The following CNTNAP2 variants were observed in gnomAD, a reference collection of about 807,000 sequenced individuals.
CNTNAP2 encodes the protein contactin associated protein 2.
A neutral mutation model predicts 155.2 loss-of-function variants in CNTNAP2; 98 were observed. The observed-to-expected ratio is 0.63, with a 90% CI of 0.54 to 0.75. CNTNAP2 has a LOEUF of 0.75. CNTNAP2 is among the 30% of genes least tolerant of loss of function. CNTNAP2 has a pLI of 0.00. For missense variants in CNTNAP2, 1,727 were observed against 1,688.1 expected (o/e 1.02, Z -0.40); for synonymous variants, 651 against 631.2 (o/e 1.03, Z -0.47).
In CNTNAP2 at chr7:146,665,783, T is replaced by TAAAAAAAAAAAAAAAAAAAAAAA. The variant is rs750837961; in HGVS notation, c.98-108473_98-108472insAAAAAAAAAAAAAAAAAAAAAAA. On this transcript the variant is annotated intron_variant, in intron 1 of 23. Coordinates refer to ENST00000361727, the MANE Select transcript of CNTNAP2 (RefSeq NM_014141.6). Reference sequence around the variant, plus strand: ...GCTATGGAGTGAGACTCTGTCTCATTAAAAAAAAAAAAAAATACATTTTGT... The same window carrying TAAAAAAAAAAAAAAAAAAAAAAA: ...GCTATGGAGTGAGACTCTGTCTCATTAAAAAAAAAAAAAAAAAAAAAAAAAAAAAAAAAAAAAATACATTTTGT... Among the ~76,000 whole-genome samples the TAAAAAAAAAAAAAAAAAAAAAAA allele has an allele frequency of 4.1e-5, 2 of 48,302 alleles. 1 individual carries two copies. Among genetic ancestry groups the TAAAAAAAAAAAAAAAAAAAAAAA allele is most frequent in the African/African-American group, 2.3e-4 (2 of 8,844 alleles). The allele number at this position is 48,302 out of a possible 152,430, so 31.7% of individuals were successfully genotyped here. A position where few individuals can be genotyped will look rare whatever the true frequency, so the allele number is the denominator to read the frequency against.
chr7:147,083,881 CAT>C (rs1217722045), intron 4 of CNTNAP2, among the ~76,000 whole-genome samples: 2 of 138,856 alleles, frequency 1.4e-5, no homozygotes, highest in East Asian at 4.2e-4. Flanking sequence ...ATATTATATA[CAT>C]ATACACATGT....
chr7:147,841,157 T>C (rs1473466648), intron 13 of CNTNAP2, among the ~76,000 whole-genome samples: 1 of 152,192 alleles, frequency 6.6e-6, no homozygotes, highest in Non-Finnish European at 1.5e-5. Context: ...AAATGAGTAA[T>C]TGAGGCCATT....
chr7:146,800,968 A>T (rs1006335437), intron 2 of CNTNAP2, among the ~76,000 whole-genome samples: 1 of 152,078 alleles, frequency 6.6e-6, no homozygotes, highest in South Asian at 2.1e-4. Context: ...AAGAATAAGG[A>T]GAGTCTGAAT....
chr7:148,166,714 G>A (rs1368816844), intron 17 of CNTNAP2, among the ~76,000 whole-genome samples: 3 of 152,124 alleles, frequency 2.0e-5, no homozygotes, highest in Non-Finnish European at 4.4e-5. Context: ...AATTATCACA[G>A]GTCTGACTAA....
At chr7:147,809,292 A>G (rs573315461) in intron 13 of CNTNAP2, among the ~76,000 whole-genome samples, 302 of 152,304 alleles carry the variant, frequency 2.0e-3, no homozygotes, top group African/African-American at 6.8e-3. Context: ...CCTGGCCCTC[A>G]GCTTCCCCAT....
At chr7:147,410,405 G>T (rs569379415) in intron 10 of CNTNAP2, among the ~76,000 whole-genome samples, 1 of 152,278 alleles carries the variant, frequency 6.6e-6, no homozygotes, top group South Asian at 2.1e-4. Context: ...AAGGATGGGA[G>T]GAGGGAGAGG....
intron 8 of CNTNAP2, among the ~76,000 whole-genome samples, chr7:147,290,828 C>G (rs535478110): frequency 6.6e-6 from 1 of 152,182 alleles, no homozygotes; most frequent in South Asian, 2.1e-4. Flanking sequence ...GCCTTAGGAC[C>G]ACTCTGTACA....
intron 1 of CNTNAP2, among the ~76,000 whole-genome samples, chr7:146,398,091 T>C (rs1795658697): frequency 6.6e-6 from 1 of 151,552 alleles, no homozygotes; most frequent in Non-Finnish European, 1.5e-5. Context: ...AGGATGGTCT[T>C]GAACTCCTGG....
chr7:146,304,436 C>A lies in CNTNAP2; in HGVS notation c.97+187463C>A, dbSNP rs183935607. 1.2e-3 allele frequency among the ~76,000 whole-genome samples: 182 copies of A among 152,102 alleles called. 2 individuals carry two copies. Among genetic ancestry groups the A allele is most frequent in the African/African-American group, 4.2e-3 (175 of 41,516 alleles). On this transcript the variant is annotated intron_variant, in intron 1 of 23. Transcript: ENST00000361727. ...TTGTTCCTTTCCATGTTTAGTGCTT[C>A]CTTCAGGAGCTCTTGTAAGGCAGGC... is the stretch of plus-strand genomic sequence containing the variant.
At chr7:146,777,326 C>T (rs1287530001) in intron 2 of CNTNAP2, among the ~76,000 whole-genome samples, 2 of 152,112 alleles carry the variant, frequency 1.3e-5, no homozygotes, top group African/African-American at 4.8e-5. Flanking sequence ...ACATATAACT[C>T]GCCCTCCCCA....
At chr7:146,493,761 A>G (rs1226295196) in intron 1 of CNTNAP2, among the ~76,000 whole-genome samples, 6 of 152,184 alleles carry the variant, frequency 3.9e-5, no homozygotes, top group African/African-American at 1.2e-4. Flanking sequence ...GAAAGAGAAT[A>G]AGATAAAAAT....
intron 21 of CNTNAP2, among the ~76,000 whole-genome samples, chr7:148,291,045 A>G (rs1276012210): frequency 1.3e-5 from 2 of 152,162 alleles, no homozygotes; most frequent in Non-Finnish European, 2.9e-5. Flanking sequence ...GCAAGTCAGA[A>G]TTTATACTTC....
intron 22 of CNTNAP2, among the ~76,000 whole-genome samples, chr7:148,403,686 T>C (rs1174942592): frequency 6.6e-6 from 1 of 152,176 alleles, no homozygotes; most frequent in Non-Finnish European, 1.5e-5. Flanking sequence ...TTTTTCTCTG[T>C]GCGCATTTCC....
intron 1 of CNTNAP2, among the ~76,000 whole-genome samples, chr7:146,495,185 G>A (rs1797195953): frequency 6.6e-6 from 1 of 152,146 alleles, no homozygotes; most frequent in African/African-American, 2.4e-5. Flanking sequence ...AGTTACAATG[G>A]CATTTTCTTA....
At chr7:147,954,165 C>T (rs368965616) in intron 14 of CNTNAP2, among the ~76,000 whole-genome samples, 9 of 152,006 alleles carry the variant, frequency 5.9e-5, no homozygotes, top group African/African-American at 2.2e-4. Context: ...TATGGAGAGA[C>T]GCATAAATGA....
chr7:146,239,605 G>A (rs1008489936), intron 1 of CNTNAP2, among the ~76,000 whole-genome samples: 3 of 152,142 alleles, frequency 2.0e-5, no homozygotes, highest in African/African-American at 4.8e-5. Context: ...GTTATCCTGT[G>A]TATGGACAGA....
chr7:147,194,505 T>C (rs1247805640), intron 8 of CNTNAP2, among the ~76,000 whole-genome samples: 1 of 151,812 alleles, frequency 6.6e-6, no homozygotes, highest in African/African-American at 2.4e-5. Flanking sequence ...AGGACTACTG[T>C]CTTCCAAATG....
At chr7:147,671,886 T>A (rs1053398607) in intron 13 of CNTNAP2, 1 of 152,200 alleles carries the variant, frequency 6.6e-6, no homozygotes, top group Non-Finnish European at 1.5e-5. Flanking sequence ...AATCTCCAGT[T>A]CATTAACTCT....
intron 1 of CNTNAP2, among the ~76,000 whole-genome samples, chr7:146,485,896 CTA>C (rs1214951389): frequency 6.6e-6 from 1 of 152,000 alleles, no homozygotes; most frequent in African/African-American, 2.4e-5. Context: ...TAGAATCTGT[CTA>C]TACAATTTAA....
Sources: allele counts gnomAD v4.1 joint callset (sites outside exome capture counted in the v4.1 genomes callset), GRCh38; gene constraint gnomAD v4.1.1; transcripts MANE v1.5; gene names NCBI Gene and HGNC (gene_info 2026-07-23, HGNC 2026-07-21).